The following ADARB1 variants were observed in gnomAD, a reference collection of about 807,000 sequenced individuals.
ADARB1 encodes double-stranded RNA-specific editase 1.
Under a neutral mutation model 52.4 loss-of-function variants are expected in ADARB1, and 10 were observed. That is an observed-to-expected ratio of 0.19 (90% CI 0.12 to 0.32). The LOEUF (loss-of-function observed/expected upper bound fraction) is 0.32. Ranked by LOEUF, ADARB1 falls within the 10% of genes least tolerant of loss-of-function variation. The probability of loss-of-function intolerance (pLI) is 1.00; values close to 1 mark genes in which losing one functional copy is unlikely to be tolerated. For synonymous variants in ADARB1, 349 were observed against 371.1 expected, an observed-to-expected ratio of 0.94 and a Z score of 0.68; for missense variants, 643 against 922.3, an observed-to-expected ratio of 0.70 and a Z score of 3.92.
At chr21:45,156,557 A>T (rs1327698903) in intron 2 of ADARB1, among the ~76,000 whole-genome samples, 1 of 111,522 alleles carries the variant, frequency 9.0e-6, no homozygotes, top group Non-Finnish European at 1.7e-5. Context: ...TCATCCATCC[A>T]TCCACCCATG....
chr21:45,189,733 G>GTT (rs59742161), intron 8 of ADARB1, among the ~76,000 whole-genome samples: 10 of 132,142 alleles, frequency 7.6e-5, no homozygotes, highest in Non-Finnish European at 9.9e-5. Flanking sequence ...TGACAGGGTT[G>GTT]TTTTTTTTTT....
At position 45,136,391 on chromosome 21, in the gene ADARB1, G is replaced by A. The variant is rs143710979; in HGVS notation, c.-48+7818G>A. 6.7e-3 allele frequency among the ~76,000 whole-genome samples: 1,015 copies of A among 152,324 alleles called. 15 individuals carry two copies. The highest frequency in any genetic ancestry group is 6.7e-3 in the Non-Finnish European group (456 of 68,024). On this transcript the variant is annotated intron_variant, in intron 2 of 10. Coordinates refer to ENST00000348831, the MANE Select transcript of ADARB1 (RefSeq NM_001112.4). ...CAGCCTAAGCTGAGATGACAGGGAA[G>A]AACTACAGATACACCAGATTTAGGG...
Position 45,225,104 on chromosome 21 carries a change from C to G in ADARB1, c.*2907C>G. 2 of 993,652 alleles carry G rather than the reference C, an allele frequency of 2.0e-6. No homozygotes were observed. Among genetic ancestry groups the G allele is most frequent in the Non-Finnish European group, 2.4e-6 (2 of 835,982 alleles). 61.6% of individuals were successfully genotyped at this position (993,652 alleles called of 1,614,324 possible). A position where few individuals can be genotyped will look rare whatever the true frequency, so the allele number is the denominator to read the frequency against. ...TTTTGTTTTGTTTTGTTAACTAAACCTGAAGTATTAATTCCACAAAGACAC... is the reference window on the plus strand; with the variant it reads ...TTTTGTTTTGTTTTGTTAACTAAACGTGAAGTATTAATTCCACAAAGACAC... On this transcript the variant is annotated 3_prime_UTR_variant, in exon 11 of 11. Coordinates refer to ENST00000348831, the MANE Select transcript of ADARB1 (RefSeq NM_001112.4).
At chr21:45,151,703 T>C (rs1330154297) in intron 2 of ADARB1, among the ~76,000 whole-genome samples, 4 of 152,152 alleles carry the variant, frequency 2.6e-5, no homozygotes, top group Admixed American at 2.0e-4. Flanking sequence ...GGGTTCTGCT[T>C]TGCCAGCCCT....
chr21:45,198,757 A>G (rs753837281), intron 8 of ADARB1, among the ~76,000 whole-genome samples: 17 of 152,214 alleles, frequency 1.1e-4, no homozygotes, highest in Non-Finnish European at 2.2e-4. Context: ...CCAGACAAGG[A>G]CAGTAAAGGA....
chr21:45,197,768 T>C (rs2092459672), intron 8 of ADARB1, among the ~76,000 whole-genome samples: 1 of 152,084 alleles, frequency 6.6e-6, no homozygotes, highest in Non-Finnish European at 1.5e-5. Context: ...CACTACAGCA[T>C]AGAGAAATCT....
At chr21:45,162,762 A>T (rs1377176164) in intron 2 of ADARB1, among the ~76,000 whole-genome samples, 3 of 152,206 alleles carry the variant, frequency 2.0e-5, no homozygotes, top group African/African-American at 7.2e-5. Flanking sequence ...CTCCGCCTAT[A>T]GAACCACAAC....
intron 2 of ADARB1, among the ~76,000 whole-genome samples, chr21:45,146,837 G>A (rs1601591264): frequency 6.6e-6 from 1 of 152,158 alleles, no homozygotes; most frequent in East Asian, 1.9e-4. Flanking sequence ...CCTGTGTTTG[G>A]CTTGATCTGG....
At chr21:45,174,319 G>A (rs961644701) in intron 3 of ADARB1, among the ~76,000 whole-genome samples, 2 of 152,178 alleles carry the variant, frequency 1.3e-5, no homozygotes, top group East Asian at 1.9e-4. Context: ...TGGGCTCCAT[G>A]TGACAGCTGC....
intron 1 of ADARB1, among the ~76,000 whole-genome samples, chr21:45,114,078 A>G (rs746937719): frequency 1.3e-5 from 2 of 152,220 alleles, no homozygotes; most frequent in Non-Finnish European, 2.9e-5. Context: ...TACTCTACAT[A>G]CCAATCAGAG....
chr21:45,221,577 GGGTCC>G lies in ADARB1; in HGVS notation c.1927-440_1927-436del, dbSNP rs2092964492. ...TAGCCAGAAGGGACAGTGCCCGGGA[GGGTCC>G]TGTTCACCAGGGGCAGCACCCAGGC... On this transcript the variant is annotated intron_variant, in intron 10 of 10. Transcript: ENST00000348831. The surrounding 1 kb of genome is among the most constrained non-coding windows in gnomAD (Gnocchi z 4.9). 6.6e-6 allele frequency among the ~76,000 whole-genome samples: 1 copy of G among 152,192 alleles called. No homozygotes were observed. Among genetic ancestry groups the G allele is most frequent in the Non-Finnish European group, 1.5e-5 (1 of 68,038 alleles).
At chr21:45,194,449 C>T (rs2092378367) in intron 8 of ADARB1, among the ~76,000 whole-genome samples, 3 of 112,602 alleles carry the variant, frequency 2.7e-5, no homozygotes. Context: ...CCCCTCTCAC[C>T]TCCTAACCTC....
intron 2 of ADARB1, among the ~76,000 whole-genome samples, chr21:45,149,071 C>T (rs2090151127): frequency 1.3e-5 from 2 of 152,208 alleles, no homozygotes; most frequent in South Asian, 4.1e-4. Context: ...AGGTCTGGCC[C>T]GGCACAACCC....
At chr21:45,077,958 C>T (rs1023040143) in intron 1 of ADARB1, among the ~76,000 whole-genome samples, 1 of 152,130 alleles carries the variant, frequency 6.6e-6, no homozygotes, top group African/African-American at 2.4e-5. Flanking sequence ...CAGAGGTCTT[C>T]GTGGCAGGGC....
intron 8 of ADARB1, among the ~76,000 whole-genome samples, chr21:45,191,223 TC>T (rs780114232): frequency 2.6e-5 from 4 of 152,244 alleles, no homozygotes; most frequent in Non-Finnish European, 5.9e-5. Flanking sequence ...TCCTGGTTGT[TC>T]TTGAATGTAC....
chr21:45,209,305 G>A (rs898682190), intron 9 of ADARB1, among the ~76,000 whole-genome samples: 2 of 152,144 alleles, frequency 1.3e-5, no homozygotes, highest in East Asian at 1.9e-4. Context: ...AGATGAAGCC[G>A]TAAGAGCTCC....
intron 1 of ADARB1, among the ~76,000 whole-genome samples, chr21:45,105,799 G>A (rs2087225943): frequency 6.6e-6 from 1 of 152,238 alleles, no homozygotes; most frequent in Non-Finnish European, 1.5e-5. Flanking sequence ...CTGGAAACAT[G>A]ATTCGTCTGT....
At chr21:45,096,932 G>A (rs1235116530) in intron 1 of ADARB1, among the ~76,000 whole-genome samples, 1 of 152,080 alleles carries the variant, frequency 6.6e-6, no homozygotes, top group Non-Finnish European at 1.5e-5. Flanking sequence ...GTAGAGACGG[G>A]GTTTCACCGT....
rs1055543357 is a variant in ADARB1 at position 45,099,230 on chromosome 21, C to T, written c.-220+24437C>T. On this transcript the variant is annotated intron_variant, in intron 1 of 10. Coordinates refer to ENST00000348831, the MANE Select transcript of ADARB1 (RefSeq NM_001112.4). ...AGGGGGTGGTGGTAGGGCTGGTGAC[C>T]GGGGAACTGTAATTTCCTGTGGGAG... Among the ~76,000 whole-genome samples, 16 of 152,036 alleles carry T rather than the reference C, an allele frequency of 1.1e-4. 1 individual carries two copies. The highest frequency in any genetic ancestry group is 1.3e-4 in the Non-Finnish European group (9 of 68,014).
Sources: allele counts gnomAD v4.1 joint callset (sites outside exome capture counted in the v4.1 genomes callset), GRCh38; gene constraint gnomAD v4.1.1; non-coding constraint Gnocchi (gnomAD v3.1); transcripts MANE v1.5; gene names NCBI Gene and HGNC (gene_info 2026-07-23, HGNC 2026-07-21).